Variants in SPMIP1 observed in about 807,000 individuals in gnomAD.
SPMIP1 encodes the protein sperm microtubule inner protein 1.
chr7:128,868,557 TG>T, the SPMIP1 span: 1 of 578,110 alleles, frequency 1.7e-6, no homozygotes, highest in Non-Finnish European at 3.0e-6. Context: ...TCCCACAAAG[TG>T]GCTACTCCAC....
chr7:128,870,464 C>T, the SPMIP1 span: 5 of 152,306 alleles, frequency 3.3e-5, no homozygotes, highest in Non-Finnish European at 7.3e-5. Flanking sequence ...TGATCTCGCC[C>T]CAGGAGGCCT....
chr7:128,866,594 T>G, the SPMIP1 span: 4 of 931,276 alleles, frequency 4.3e-6, no homozygotes, highest in Non-Finnish European at 4.3e-6. Context: ...AAAGCCCCAC[T>G]CTCACCCCCA....
the SPMIP1 span, chr7:128,868,636 C>A: frequency 2.1e-6 from 3 of 1,444,598 alleles, no homozygotes; most frequent in South Asian, 3.7e-5. Flanking sequence ...CCTCAGGAAC[C>A]CATGCTTGGC....
chr7:128,871,395 C>T, the SPMIP1 span: 2 of 152,290 alleles, frequency 1.3e-5, no homozygotes, highest in Admixed American at 6.5e-5. Flanking sequence ...CCGCTCTGGG[C>T]GTCTTACTTT....
chr7:128,866,577 G>A, the SPMIP1 span: 3 of 1,534,944 alleles, frequency 2.0e-6, no homozygotes, highest in Admixed American at 5.9e-5. Context: ...TGCCCACCCT[G>A]CACCCCAAAG....
At chr7:128,871,894 A>T in the SPMIP1 span, 1 of 152,230 alleles carries the variant, frequency 6.6e-6, no homozygotes. Context: ...TAATAATGTT[A>T]TAATTGATAT....
chr7:128,866,955 G>A, the SPMIP1 span: 5 of 957,860 alleles, frequency 5.2e-6, no homozygotes, highest in Admixed American at 2.8e-5. Flanking sequence ...GTGTCGACAC[G>A]TTCCACAGAA....
At chr7:128,867,048 G>A in the SPMIP1 span, among the ~76,000 whole-genome samples, 2 of 152,236 alleles carry the variant, frequency 1.3e-5, no homozygotes, top group Admixed American at 1.3e-4. Context: ...CTGAGGACCC[G>A]AGGCTGAGAG....
the SPMIP1 span, chr7:128,869,862 G>GCGGGGCCCACTC: frequency 6.6e-6 from 1 of 152,378 alleles, no homozygotes. Flanking sequence ...CTCCCCCGGT[G>GCGGGGCCCACTC]CGGGGCCCAC....
At chr7:128,868,990 A>AG in the SPMIP1 span, 1 of 494,498 alleles carries the variant, frequency 2.0e-6, no homozygotes, top group South Asian at 3.8e-5. Context: ...CAATGACCAG[A>AG]GGGTGCTGGG....
At chr7:128,869,123 C>T in the SPMIP1 span, 6 of 383,808 alleles carry the variant, frequency 1.6e-5, no homozygotes, top group East Asian at 3.7e-5. Context: ...GGGAAAGGGG[C>T]CTCCTGCCAC....
the SPMIP1 span, chr7:128,871,971 A>T: frequency 6.6e-6 from 1 of 152,214 alleles, no homozygotes; most frequent in Non-Finnish European, 1.5e-5. Flanking sequence ...AATTATTGGC[A>T]CTTTTCTTCT....
chr7:128,866,339 C>A, the SPMIP1 span: 1 of 1,280,374 alleles, frequency 7.8e-7, no homozygotes, highest in East Asian at 2.5e-5. Flanking sequence ...CACTCGCCGT[C>A]AGAAGCACTC....
chr7:128,871,702 A>T, the SPMIP1 span: 4 of 152,256 alleles, frequency 2.6e-5, no homozygotes, highest in Non-Finnish European at 5.9e-5. Context: ...CAGACGTGTG[A>T]ATATTCCTAA....
At chr7:128,868,878 C>T in the SPMIP1 span, 2 of 733,566 alleles carry the variant, frequency 2.7e-6, no homozygotes, top group Non-Finnish European at 4.4e-6. Context: ...CTCCCTGTCC[C>T]TGAGGTTGCA....
the SPMIP1 span, chr7:128,866,412 G>A: frequency 1.3e-6 from 2 of 1,517,342 alleles, no homozygotes; most frequent in East Asian, 2.4e-5. Flanking sequence ...TGGCCACCAT[G>A]TCACGGCAGC....
chr7:128,868,752 G>C, the SPMIP1 span: 1 of 1,535,432 alleles, frequency 6.5e-7, no homozygotes, highest in Non-Finnish European at 8.7e-7. Context: ...CGCACTGCTT[G>C]ATCCCCGAGA....
At chr7:128,870,884 CCTCCCAGGCAG>C in the SPMIP1 span, 2 of 152,444 alleles carry the variant, frequency 1.3e-5, no homozygotes, top group Non-Finnish European at 2.9e-5. Context: ...CCAGCAGCCT[CCTCCCAGGCAG>C]ACCCACCCCT....
chr7:128,866,715 CA>C, the SPMIP1 span: 1 of 1,535,930 alleles, frequency 6.5e-7, no homozygotes, highest in Non-Finnish European at 8.7e-7. Flanking sequence ...TGTATGAAGG[CA>C]TCTCCCACGA....
Sources: allele counts gnomAD v4.1 joint callset (sites outside exome capture counted in the v4.1 genomes callset), GRCh38; gene constraint gnomAD v4.1.1; transcripts MANE v1.5; gene names NCBI Gene and HGNC (gene_info 2026-07-23, HGNC 2026-07-21).